TENM3: variants seen among roughly 807,000 people sequenced by gnomAD.
TENM3 encodes the protein teneurin transmembrane protein 3, also known as teneurin-3.
TENM3 carries 63 observed loss-of-function variants against 255.1 expected under a neutral mutation model. That is an observed-to-expected ratio of 0.25 (90% CI 0.20 to 0.30). TENM3 has a LOEUF of 0.30. Among genes scored for constraint, TENM3 ranks in the 10% least tolerant of loss-of-function variants. The pLI, the probability that TENM3 is intolerant of heterozygous loss-of-function variation, is 1.00. For missense variants in TENM3, 2,929 were observed against 3,461.1 expected (o/e 0.85, Z 3.86); for synonymous variants, 1,306 against 1,322.3 (o/e 0.99, Z 0.27).
In TENM3 at chr4:182,250,054, C is replaced by CTTT. The variant is rs957483629; in HGVS notation, c.-76+6592_-76+6594dup. On this transcript the variant is annotated intron_variant, in intron 1 of 27. Coordinates refer to ENST00000511685, the MANE Select transcript of TENM3 (RefSeq NM_001080477.4). The stretch of plus-strand genomic sequence containing the variant: ...CATTTTTCTTTTTCTTTTCTTTTTT[C>CTTT]TTTTTTTTTTTTTTTTGAGACGGAG... 1.4e-4 allele frequency among the ~76,000 whole-genome samples: 18 copies of CTTT among 128,446 alleles called. 1 individual carries two copies. Among genetic ancestry groups the CTTT allele is most frequent in the Non-Finnish European group, 1.8e-4 (11 of 60,540 alleles). The allele number at this position is 128,446 out of a possible 152,430, so 84.3% of individuals were successfully genotyped here. A position where few individuals can be genotyped will look rare whatever the true frequency, so the allele number is the denominator to read the frequency against.
the TENM3 span, among the ~76,000 whole-genome samples, chr4:182,091,703 C>T: frequency 6.6e-6 from 1 of 152,184 alleles, no homozygotes; most frequent in African/African-American, 2.4e-5. Context: ...TGGTTGCTAA[C>T]AGGATCTAGA....
chr4:182,447,864 G>A (rs1298932771), intron 3 of TENM3, among the ~76,000 whole-genome samples: 2 of 152,160 alleles, frequency 1.3e-5, no homozygotes, highest in African/African-American at 2.4e-5. Flanking sequence ...GGCTGGAGGG[G>A]ATGGAATGTT....
the TENM3 span, among the ~76,000 whole-genome samples, chr4:181,997,523 T>A: frequency 6.6e-6 from 1 of 152,118 alleles, no homozygotes; most frequent in Non-Finnish European, 1.5e-5. Context: ...TAAAGATCTA[T>A]TGCATTTCAT....
chr4:182,470,552 A>G (rs1561482003), intron 3 of TENM3, among the ~76,000 whole-genome samples: 1 of 152,210 alleles, frequency 6.6e-6, no homozygotes, highest in Non-Finnish European at 1.5e-5. Flanking sequence ...AAAAACATAC[A>G]TTAATGGCTG....
At chr4:181,828,671 C>A in the TENM3 span, among the ~76,000 whole-genome samples, 7 of 152,326 alleles carry the variant, frequency 4.6e-5, no homozygotes, top group East Asian at 1.4e-3. Context: ...TCACTGCAAC[C>A]TCCACCTTGC....
At chr4:182,698,307 AGGT>A (rs1055843253) in intron 12 of TENM3, among the ~76,000 whole-genome samples, 1 of 152,208 alleles carries the variant, frequency 6.6e-6, no homozygotes, top group African/African-American at 2.4e-5. Flanking sequence ...AAAGCCCCAA[AGGT>A]GGTAGTAATT....
chr4:181,774,095 C>A, the TENM3 span, among the ~76,000 whole-genome samples: 1 of 101,220 alleles, frequency 9.9e-6, no homozygotes, highest in Admixed American at 1.0e-4. Context: ...ATACATGTGC[C>A]ATGCTGGTGT....
At chr4:181,515,455 G>T in the TENM3 span, among the ~76,000 whole-genome samples, 1 of 152,020 alleles carries the variant, frequency 6.6e-6, no homozygotes, top group Non-Finnish European at 1.5e-5. Flanking sequence ...CAAATACCCA[G>T]GAAAGGCCTA....
At chr4:182,619,764 C>G (rs950472292) in intron 4 of TENM3, among the ~76,000 whole-genome samples, 5 of 152,166 alleles carry the variant, frequency 3.3e-5, no homozygotes, top group African/African-American at 1.2e-4. Flanking sequence ...TCATCTCAGT[C>G]TCTGATAGTC....
chr4:182,767,021 A>AT (rs1351799240), intron 22 of TENM3, among the ~76,000 whole-genome samples: 1 of 152,140 alleles, frequency 6.6e-6, no homozygotes, highest in Non-Finnish European at 1.5e-5. Context: ...GGTAGGTAGC[A>AT]GGCAGGGGAG....
Position 182,300,991 on chromosome 4 carries a change from G to A in TENM3, c.-75-22955G>A, listed in dbSNP as rs375260280. Among the ~76,000 whole-genome samples, 16 of 152,076 alleles carry A rather than the reference G, an allele frequency of 1.1e-4. 1 individual carries two copies. In the East Asian group the frequency reaches 1.7e-3, roughly 16 times the overall value. On this transcript the variant is annotated intron_variant, in intron 1 of 27. Coordinates refer to ENST00000511685, the MANE Select transcript of TENM3 (RefSeq NM_001080477.4). ...TGTTTTATTTGTTCATTAGTTTTCT[G>A]TTGCATTTGAATTTTAAAGCTCTCC...
Position 182,178,236 on chromosome 4 carries a change from A to C in TENM3, c.-76+33482A>C, listed in dbSNP as rs561271974. Among the ~76,000 whole-genome samples the C allele has an allele frequency of 2.6e-5, 4 of 152,300 alleles. No individual in the cohort carries two copies. The East Asian group carries it at 7.7e-4, about 29-fold the overall frequency. On this transcript the variant is annotated intron_variant, in intron 1 of 2. Coordinates refer to the TENM3 transcript ENST00000512480. ...TCTTCAGGATTTGTGGTGGCTGAGA[A>C]CATTCAGATAACTAAATGGCCCACT...
the TENM3 span, among the ~76,000 whole-genome samples, chr4:181,741,798 C>T: frequency 1.3e-5 from 2 of 152,154 alleles, no homozygotes; most frequent in Non-Finnish European, 2.9e-5. Flanking sequence ...CCAGCTCAGT[C>T]TATTCTGTTT....
chr4:182,635,587 G>A (rs1751773293), intron 5 of TENM3, among the ~76,000 whole-genome samples: 1 of 152,076 alleles, frequency 6.6e-6, no homozygotes, highest in Non-Finnish European at 1.5e-5. Context: ...GACAAGTATA[G>A]CAAACCGGAG....
chr4:182,330,078 G>T (rs920463816), intron 2 of TENM3, among the ~76,000 whole-genome samples: 1 of 151,380 alleles, frequency 6.6e-6, no homozygotes, highest in African/African-American at 2.4e-5. Flanking sequence ...AAAAAAAAAT[G>T]CAACCCAGGG....
chr4:181,834,504 C>T, the TENM3 span, among the ~76,000 whole-genome samples: 48 of 152,292 alleles, frequency 3.2e-4, no homozygotes, highest in African/African-American at 1.0e-3. Flanking sequence ...GGCTCATAGG[C>T]GCCAACTGGC....
At chr4:181,733,319 C>T in the TENM3 span, among the ~76,000 whole-genome samples, 19 of 152,256 alleles carry the variant, frequency 1.2e-4, no homozygotes, top group Non-Finnish European at 2.6e-4. Context: ...TTTCCAAAAT[C>T]TTCTCTCTTA....
chr4:182,258,118 G>A (rs1384501580), intron 1 of TENM3, among the ~76,000 whole-genome samples: 1 of 151,874 alleles, frequency 6.6e-6, no homozygotes, highest in Non-Finnish European at 1.5e-5. Flanking sequence ...AATACGTAAA[G>A]TATATAGAAT....
the TENM3 span, among the ~76,000 whole-genome samples, chr4:181,524,212 A>G: frequency 1.3e-5 from 2 of 152,316 alleles, no homozygotes; most frequent in South Asian, 2.1e-4. Context: ...TTTCACCTCC[A>G]CAAATAGAAA....
Sources: allele counts gnomAD v4.1 joint callset (sites outside exome capture counted in the v4.1 genomes callset), GRCh38; gene constraint gnomAD v4.1.1; transcripts MANE v1.5; gene names NCBI Gene and HGNC (gene_info 2026-07-23, HGNC 2026-07-21).